Variants in CLNK observed in about 807,000 individuals in gnomAD.
The protein encoded by CLNK is cytokine-dependent hematopoietic cell linker.
A neutral mutation model predicts 68.6 loss-of-function variants in CLNK; 74 were observed. The ratio of observed to expected loss-of-function variants is 1.08; its 90% CI spans 0.89 to 1.31. The LOEUF is 1.31. Among genes scored for constraint, CLNK ranks in the 50% most tolerant of loss-of-function variants. The pLI, the probability that CLNK is intolerant of heterozygous loss-of-function variation, is 0.00. For missense variants in CLNK, 553 were observed against 515.3 expected, an observed-to-expected ratio of 1.07 and a Z score of -0.71; for synonymous variants, 198 against 172.2, an observed-to-expected ratio of 1.15 and a Z score of -1.17.
chr4:10,630,499 G>T (rs941974889), intron 2 of CLNK, among the ~76,000 whole-genome samples: 2 of 151,458 alleles, frequency 1.3e-5, no homozygotes, highest in Non-Finnish European at 2.9e-5. Context: ...GCTATGTGTT[G>T]TGGATTCAAA....
intron 14 of CLNK, among the ~76,000 whole-genome samples, chr4:10,524,892 A>G (rs1479861516): frequency 6.6e-6 from 1 of 152,158 alleles, no homozygotes; most frequent in African/African-American, 2.4e-5. Context: ...GCTGGCAGGC[A>G]TCTGACGAGG....
chr4:10,643,209 C>T (rs992842973), intron 2 of CLNK, among the ~76,000 whole-genome samples: 1 of 152,190 alleles, frequency 6.6e-6, no homozygotes, highest in Admixed American at 6.5e-5. Flanking sequence ...TTACTCCTCC[C>T]TGTGATGGCT....
chr4:10,627,755 T>C (rs79113231), intron 2 of CLNK, among the ~76,000 whole-genome samples: 1 of 152,144 alleles, frequency 6.6e-6, no homozygotes, highest in Admixed American at 6.5e-5. Flanking sequence ...CTTGGTGATG[T>C]CTGAGAGGTT....
chr4:10,677,372 C>T (rs1257598461), intron 1 of CLNK, among the ~76,000 whole-genome samples: 1 of 151,964 alleles, frequency 6.6e-6, no homozygotes, highest in African/African-American at 2.4e-5. Context: ...TCAGGAGAGC[C>T]TGAAAAATTT....
intron 2 of CLNK, among the ~76,000 whole-genome samples, chr4:10,598,403 G>T (rs1430784742): frequency 6.6e-6 from 1 of 152,184 alleles, no homozygotes; most frequent in African/African-American, 2.4e-5. Flanking sequence ...GTAAAATGAA[G>T]AATATCATAC....
intron 18 of CLNK, among the ~76,000 whole-genome samples, chr4:10,498,359 G>C (rs193054756): frequency 0.013 from 2,030 of 152,234 alleles, 23 homozygotes; most frequent in South Asian, 0.027. Context: ...GGGCGTGGTG[G>C]TGGGCGCCTG....
At chr4:10,508,513 A>G (rs1020688857) in intron 16 of CLNK, among the ~76,000 whole-genome samples, 2 of 152,190 alleles carry the variant, frequency 1.3e-5, no homozygotes, top group African/African-American at 4.8e-5. Flanking sequence ...TAGTTTATCT[A>G]GCTTTCTCCC....
intron 8 of CLNK, among the ~76,000 whole-genome samples, chr4:10,547,450 C>A (rs773314541): frequency 6.6e-6 from 1 of 152,124 alleles, no homozygotes; most frequent in Non-Finnish European, 1.5e-5. Flanking sequence ...TTGACTCCTG[C>A]CCTTTTTGTT....
the CLNK span, among the ~76,000 whole-genome samples, chr4:10,720,175 G>A: frequency 1.4e-4 from 21 of 151,920 alleles, no homozygotes; most frequent in African/African-American, 4.3e-4. Flanking sequence ...AAATCCAAAG[G>A]AAGCCGAGAG....
chr4:10,584,945 G>C lies in CLNK; in HGVS notation c.94C>G (p.Arg32Gly), dbSNP rs749241563. Residue 32 changes from arginine (R) to glycine (G), a missense_variant, in exon 4 of 19, where the codon CGC becomes GGC. Physicochemically the swap from Arg to Gly is moderately radical, Grantham distance 125 (BLOSUM62 -2). Coordinates refer to ENST00000226951, the MANE Select transcript of CLNK (RefSeq NM_052964.4). ...FSLPKNRSWP[R>G]INSATGQYQR... ...GACTCACCTGTGGCACTATTGATGC[G>C]AGGCCATGACCTAGGGCAGAAAAGA... 2.1e-5 allele frequency: 34 copies of C among 1,613,542 alleles called. No homozygotes were observed. Among genetic ancestry groups the C allele is most frequent in the Admixed American group, 8.3e-5 (5 of 59,970 alleles).
chr4:10,526,679 C>T (rs915373095), intron 13 of CLNK, among the ~76,000 whole-genome samples: 6 of 152,236 alleles, frequency 3.9e-5, no homozygotes, highest in Admixed American at 3.9e-4. Flanking sequence ...ACCAGCAGTC[C>T]CTAGCTAGGT....
chr4:10,725,112 G>T, the CLNK span, among the ~76,000 whole-genome samples: 1 of 152,110 alleles, frequency 6.6e-6, no homozygotes, highest in East Asian at 1.9e-4. Flanking sequence ...GACTAGAAAA[G>T]GTGCATAATG....
chr4:10,730,629 A>G, the CLNK span, among the ~76,000 whole-genome samples: 2 of 152,092 alleles, frequency 1.3e-5, no homozygotes, highest in Admixed American at 1.3e-4. Flanking sequence ...CATGTTCCCA[A>G]TCTCCCAGCA....
At chr4:10,572,013 A>T (rs1417701895) in intron 4 of CLNK, among the ~76,000 whole-genome samples, 1 of 152,242 alleles carries the variant, frequency 6.6e-6, no homozygotes, top group Non-Finnish European at 1.5e-5. Context: ...TCAAACAGTG[A>T]CTTGGAGGTA....
At chr4:10,517,109 T>C (rs954774170) in intron 15 of CLNK, among the ~76,000 whole-genome samples, 1 of 152,320 alleles carries the variant, frequency 6.6e-6, no homozygotes, top group Non-Finnish European at 1.5e-5. Flanking sequence ...AAATAAAGCA[T>C]TCTAAGTTTT....
At chr4:10,499,774 G>A (rs993663358) in intron 18 of CLNK, among the ~76,000 whole-genome samples, 4 of 152,068 alleles carry the variant, frequency 2.6e-5, no homozygotes, top group Non-Finnish European at 4.4e-5. Flanking sequence ...TTTCTCCCAC[G>A]ACCCCTCTCC....
At position 10,492,167 on chromosome 4, in the gene CLNK, C is replaced by T. The variant is rs895475298; in HGVS notation, c.1141-1554G>A. Among the ~76,000 whole-genome samples, 7 of 152,150 alleles carry T rather than the reference C, an allele frequency of 4.6e-5. 1 individual carries two copies. Among genetic ancestry groups the T allele is most frequent in the East Asian group, 1.9e-4 (1 of 5,196 alleles). ...GGAATTTCAGCTCAGAGAAGTGGAC[C>T]GCCTTACTCAGAGTCTCCCATGGCT... On this transcript the variant is annotated intron_variant, in intron 18 of 18. Coordinates refer to ENST00000226951, the MANE Select transcript of CLNK (RefSeq NM_052964.4).
the CLNK span, among the ~76,000 whole-genome samples, chr4:10,701,647 C>T: frequency 6.6e-6 from 1 of 152,180 alleles, no homozygotes; most frequent in African/African-American, 2.4e-5. Context: ...GTGCTTGCCA[C>T]ACGCCACCAT....
intron 4 of CLNK, among the ~76,000 whole-genome samples, chr4:10,574,247 C>G (rs548522825): frequency 6.6e-6 from 1 of 152,304 alleles, no homozygotes; most frequent in South Asian, 2.1e-4. Context: ...CCCCACCCTG[C>G]TCTCTGACCT....
Sources: gnomAD v4.1 joint callset for allele counts (sites outside exome capture counted in the v4.1 genomes callset) on GRCh38, gnomAD v4.1.1 for gene constraint, MANE v1.5 for transcripts, NCBI Gene and HGNC (gene_info 2026-07-23, HGNC 2026-07-21) for gene names.